Variants in SLC36A2 observed in about 807,000 individuals in gnomAD.
SLC36A2 encodes the protein solute carrier family 36 member 2.
In SLC36A2, 39 loss-of-function variants were observed where a neutral mutation model predicts 42.7. The observed-to-expected ratio is 0.91, with a 90% CI of 0.71 to 1.19. SLC36A2 has a LOEUF of 1.19. SLC36A2 is among the 50% of genes most tolerant of loss of function. The pLI, the probability that SLC36A2 is intolerant of heterozygous loss-of-function variation, is 0.00. For missense variants in SLC36A2, 590 were observed against 613.7 expected (o/e 0.96, Z 0.41); for synonymous variants, 237 against 240.8 (o/e 0.98, Z 0.15).
At position 151,335,388 on chromosome 5, in the gene SLC36A2, T is replaced by G; in HGVS notation, c.685A>C (p.Met229Leu). 6.2e-7 allele frequency: 1 copy of G among 1,614,100 alleles called. No individual in the cohort carries two copies. Among genetic ancestry groups the G allele is most frequent in the African/African-American group, 1.3e-5 (1 of 75,026 alleles). The change falls in exon 6 of 10, where the codon ATG (methionine) becomes CTG (leucine). Residue 229 changes from methionine to leucine, a missense_variant. Coordinates refer to ENST00000335244, the MANE Select transcript of SLC36A2 (RefSeq NM_181776.3). The part of the protein sequence containing the change: ...RNLRILTIFS[M>L]LANISMLVSL... ...ACCAGCATGCTGATGTTGGCCAGCA[T>G]GGAGAAGATGGTCAAGATCCTGAGG...
intron 7 of SLC36A2, among the ~76,000 whole-genome samples, chr5:151,330,780 T>G (rs1755973840): frequency 6.6e-6 from 1 of 152,218 alleles, no homozygotes; most frequent in Non-Finnish European, 1.5e-5. Context: ...AAGGGCCCTA[T>G]GTAATTGTAA....
At position 151,344,187 on chromosome 5, in the gene SLC36A2, G is replaced by A. The variant is rs767426391; in HGVS notation, c.245C>T (p.Ala82Val). 29 of 1,613,994 alleles carry A rather than the reference G, an allele frequency of 1.8e-5. No individual in the cohort carries two copies. The highest frequency in any genetic ancestry group is 4.5e-5 in the East Asian group (2 of 44,882). ...TGGCGCCTCTCTTACCAGGATGCCC[G>A]CGTTCTTCACAGCGAGGGGTAGTCC... ...ILGLPLAVKN[A>V]GILMGPLSLL... The change falls in exon 2 of 10, where the codon GCG becomes GTG. Residue 82 changes from alanine (A) to valine (V), a missense_variant. Physicochemically the swap from Ala to Val is moderately conservative, Grantham distance 64. Transcript: ENST00000335244.
chr5:151,333,946 GA>G (rs1373951327), intron 6 of SLC36A2, among the ~76,000 whole-genome samples: 1 of 152,178 alleles, frequency 6.6e-6, no homozygotes, highest in Non-Finnish European at 1.5e-5. Flanking sequence ...ATGGGTGTTG[GA>G]AATTCCTGTG....
At chr5:151,335,291 T>G in intron 6 of SLC36A2, 38 bp downstream of exon 6, 1 of 1,530,904 alleles carries the variant, frequency 6.5e-7, no homozygotes, top group East Asian at 2.3e-5. Context: ...AAAAAAACCC[T>G]GCCCAGTGGA....
chr5:151,333,113 A>G (rs1756042679), intron 7 of SLC36A2, 111 bp downstream of exon 7: 2 of 980,358 alleles, frequency 2.0e-6, no homozygotes, highest in African/African-American at 1.6e-5. Flanking sequence ...GGCATTTTCT[A>G]GCAGGCCCAA....
chr5:151,323,605 G>A (rs1347632345), intron 8 of SLC36A2, among the ~76,000 whole-genome samples: 3 of 152,332 alleles, frequency 2.0e-5, no homozygotes, highest in Admixed American at 6.5e-5. Flanking sequence ...TACCAGAGTG[G>A]TCCATGTTTG....
chr5:151,331,695 T>G (rs1042915658), intron 7 of SLC36A2, among the ~76,000 whole-genome samples: 3 of 152,046 alleles, frequency 2.0e-5, no homozygotes, highest in Non-Finnish European at 4.4e-5. Flanking sequence ...AAATTGGAAT[T>G]TATCAAAATC....
Position 151,336,693 on chromosome 5 carries a change from A to AC in SLC36A2, c.526-1147dup, listed in dbSNP as rs367618790. Among the ~76,000 whole-genome samples the AC allele has an allele frequency of 3.8e-3, 402 of 107,174 alleles. 2 individuals are homozygous for AC. Among genetic ancestry groups the AC allele is most frequent in the African/African-American group, 0.012 (382 of 31,692 alleles). 70.3% of individuals were successfully genotyped at this position (107,174 alleles called of 152,430 possible). A position where few individuals can be genotyped will look rare whatever the true frequency, so the allele number is the denominator to read the frequency against. Reference sequence around the variant, plus strand: ...TGTGATAAACAAGAAACCGTCCCCCACCCCCCCACACATTATGAACACCCC... The same window carrying AC: ...TGTGATAAACAAGAAACCGTCCCCCACCCCCCCCACACATTATGAACACCCC... On this transcript the variant is annotated intron_variant, in intron 5 of 9. Coordinates refer to ENST00000335244, the MANE Select transcript of SLC36A2 (RefSeq NM_181776.3).
At chr5:151,329,014 C>G (rs986505081) in intron 7 of SLC36A2, among the ~76,000 whole-genome samples, 5 of 152,178 alleles carry the variant, frequency 3.3e-5, no homozygotes, top group African/African-American at 1.2e-4. Flanking sequence ...GAAAAAGAAC[C>G]CACTGCGAGC....
At chr5:151,334,786 C>G (rs912793018) in intron 6 of SLC36A2, among the ~76,000 whole-genome samples, 1 of 151,600 alleles carries the variant, frequency 6.6e-6, no homozygotes, top group African/African-American at 2.4e-5. Context: ...AATTCAACAT[C>G]AAAGACATTA....
chr5:151,319,403 A>G (rs1334314057), intron 9 of SLC36A2: 2 of 153,498 alleles, frequency 1.3e-5, no homozygotes, highest in Admixed American at 6.5e-5. Context: ...GGCCTAGAAA[A>G]GTGAAAATCA....
At position 151,316,560 on chromosome 5, in the gene SLC36A2, G is replaced by T; in HGVS notation, c.*257C>A. On this transcript the variant is annotated 3_prime_UTR_variant, in exon 10 of 10. Coordinates refer to ENST00000335244, the MANE Select transcript of SLC36A2 (RefSeq NM_181776.3). ...GTTCAAGACCAGCCTGACCAACATG[G>T]AGAAACCCCGTCTCTACTAAAAATA... 4.9e-6 allele frequency: 2 copies of T among 408,456 alleles called. No individual in the cohort carries two copies. The highest frequency in any genetic ancestry group is 4.8e-5 in the South Asian group (2 of 41,954). 25.3% of individuals were successfully genotyped at this position (408,456 alleles called of 1,614,324 possible). A position where few individuals can be genotyped will look rare whatever the true frequency, so the allele number is the denominator to read the frequency against.
chr5:151,319,436 G>T, intron 9 of SLC36A2: 1 of 155,066 alleles, frequency 6.4e-6, no homozygotes, highest in South Asian at 1.8e-4. Context: ...GCCAGTCTCA[G>T]GGGATCCAGC....
intron 7 of SLC36A2, among the ~76,000 whole-genome samples, chr5:151,330,451 A>C (rs1278367804): frequency 6.6e-6 from 1 of 152,252 alleles, no homozygotes; most frequent in Non-Finnish European, 1.5e-5. Context: ...TTGTGCAAAA[A>C]TATCCTCTAG....
Position 151,335,548 on chromosome 5 carries a change from C to A in SLC36A2, c.526-1G>T. 1 of 1,606,672 alleles carries A rather than the reference C, an allele frequency of 6.2e-7. No homozygotes were observed. The highest frequency in any genetic ancestry group is 8.5e-7 in the Non-Finnish European group (1 of 1,173,206). On this transcript the variant is annotated splice_acceptor_variant, in intron 5 of 9. Coordinates refer to ENST00000335244, the MANE Select transcript of SLC36A2 (RefSeq NM_181776.3). LOFTEE classifies it high-confidence loss of function. ...TTGTGCTATTAACAGCTTCCACTAC[C>A]TGAGGAAGGAATGGGAGAGGCAAAA...
chr5:151,317,803 A>C (rs1008972930), intron 9 of SLC36A2, among the ~76,000 whole-genome samples: 3 of 152,198 alleles, frequency 2.0e-5, no homozygotes, highest in African/African-American at 7.2e-5. Flanking sequence ...TCCCCTACCA[A>C]CTTAGGGTCA....
At chr5:151,317,672 A>G (rs558270564) in intron 9 of SLC36A2, among the ~76,000 whole-genome samples, 75 of 152,170 alleles carry the variant, frequency 4.9e-4, no homozygotes, top group Non-Finnish European at 9.0e-4. Context: ...CACCCTGGGT[A>G]ACATAGTGAG....
chr5:151,346,405 G>A (rs1012940031), intron 1 of SLC36A2, among the ~76,000 whole-genome samples: 3 of 152,034 alleles, frequency 2.0e-5, no homozygotes, highest in South Asian at 2.1e-4. Context: ...GTGCACCCCC[G>A]AGAAACACAT....
intron 4 of SLC36A2, 30 bp from the exon 5 acceptor site, chr5:151,339,174 A>C: frequency 1.9e-6 from 3 of 1,545,786 alleles, no homozygotes; most frequent in Middle Eastern, 1.7e-4. Flanking sequence ...GAAAAAGAAA[A>C]CTTGTTATAA....
Sources: allele counts gnomAD v4.1 joint callset (sites outside exome capture counted in the v4.1 genomes callset), GRCh38; gene constraint gnomAD v4.1.1; transcripts MANE v1.5; gene names NCBI Gene and HGNC (gene_info 2026-07-23, HGNC 2026-07-21).